Variants in CCDC91 observed in about 807,000 individuals in gnomAD.
CCDC91 encodes the protein coiled-coil domain-containing protein 91.
A neutral mutation model predicts 63.2 loss-of-function variants in CCDC91; 48 were observed. The observed-to-expected ratio is 0.76, with a 90% CI of 0.60 to 0.97. CCDC91 has a LOEUF of 0.97. Ranked by LOEUF, CCDC91 falls within the 50% of genes least tolerant of loss-of-function variation. The pLI, the probability that CCDC91 is intolerant of heterozygous loss-of-function variation, is 0.00. For synonymous variants in CCDC91, 167 were observed against 165.8 expected (o/e 1.01, Z -0.06); for missense variants, 500 against 494.6 (o/e 1.01, Z -0.10).
chr12:28,191,393 G>C (rs547320307), intron 1 of CCDC91: 60 of 152,386 alleles, frequency 3.9e-4, no homozygotes, highest in African/African-American at 1.3e-3. Context: ...TTGGGGCAGA[G>C]CTCGATTTCC....
chr12:28,503,134 G>T (rs2141163770), intron 12 of CCDC91, among the ~76,000 whole-genome samples: 1 of 152,234 alleles, frequency 6.6e-6, no homozygotes, highest in Middle Eastern at 3.4e-3. Flanking sequence ...ACTACCATCA[G>T]AATGAACAGG....
chr12:28,370,591 C>T lies in CCDC91; in HGVS notation c.654+8076C>T, dbSNP rs143573151. 4.1e-4 allele frequency among the ~76,000 whole-genome samples: 63 copies of T among 152,294 alleles called. 1 individual carries two copies. The highest frequency in any genetic ancestry group is 1.4e-3 in the African/African-American group (58 of 41,560). On this transcript the variant is annotated intron_variant, in intron 7 of 12. Transcript: ENST00000536442. The stretch of plus-strand genomic sequence containing the variant: ...CAACCTTCATCTTTTACCCAGTTCC[C>T]AATTTGCTTCCACATTTTTAGGTGT...
intron 7 of CCDC91, among the ~76,000 whole-genome samples, chr12:28,374,772 G>A (rs554783302): frequency 2.6e-5 from 4 of 152,068 alleles, no homozygotes; most frequent in Non-Finnish European, 4.4e-5. Flanking sequence ...CATCCAACTG[G>A]AATTTACTTA....
intron 3 of CCDC91, among the ~76,000 whole-genome samples, chr12:28,301,428 A>G (rs776853156): frequency 1.3e-5 from 2 of 151,560 alleles, no homozygotes; most frequent in Non-Finnish European, 3.0e-5. Flanking sequence ...TTGGTTCATT[A>G]CATATCATTT....
intron 6 of CCDC91, among the ~76,000 whole-genome samples, chr12:28,323,029 T>C (rs1173405880): frequency 6.6e-6 from 1 of 151,496 alleles, no homozygotes; most frequent in Non-Finnish European, 1.5e-5. Context: ...TCTTAAGTGA[T>C]TTATAAGAAC....
intron 3 of CCDC91, among the ~76,000 whole-genome samples, chr12:28,276,886 A>G (rs1042825921): frequency 2.6e-5 from 4 of 151,992 alleles, no homozygotes; most frequent in African/African-American, 9.7e-5. Context: ...AAAGGTTTAT[A>G]TACAGTTATG....
intron 7 of CCDC91, among the ~76,000 whole-genome samples, chr12:28,366,576 G>C (rs1944287865): frequency 6.6e-6 from 1 of 152,210 alleles, no homozygotes; most frequent in Non-Finnish European, 1.5e-5. Context: ...AGGTGAGGCA[G>C]GGAACTAGGA....
chr12:28,306,683 C>T lies in CCDC91; in HGVS notation c.268-59C>T. The T allele has an allele frequency of 5.0e-6, 6 of 1,200,562 alleles. No homozygotes were observed. The South Asian group carries it at 7.5e-5, about 15-fold the overall frequency. 74.4% of individuals were successfully genotyped at this position (1,200,562 alleles called of 1,614,324 possible). A position where few individuals can be genotyped will look rare whatever the true frequency, so the allele number is the denominator to read the frequency against. On this transcript the variant is annotated intron_variant, in intron 4 of 12. Coordinates refer to ENST00000536442, the MANE Select transcript of CCDC91 (RefSeq NM_018318.5). Reference sequence around the variant, plus strand: ...GTTTCTAGTGCCCTTTGGATGTTTTCATTATTGGTATAGTGTAAACTTTCC... The same window carrying T: ...GTTTCTAGTGCCCTTTGGATGTTTTTATTATTGGTATAGTGTAAACTTTCC...
rs116061577 is a variant in CCDC91 at position 28,270,609 on chromosome 12, C to T, written c.109+11167C>T. Among the ~76,000 whole-genome samples, 881 of 152,156 alleles carry T rather than the reference C, an allele frequency of 5.8e-3. 9 individuals carry two copies. The highest frequency in any genetic ancestry group is 0.02 in the African/African-American group (844 of 41,516). ...GGAAACATTTGCTGATAGAATTGTA[C>T]ATTAAATGTGCGAATAAACATTTAC... On this transcript the variant is annotated intron_variant, in intron 3 of 12. Coordinates refer to ENST00000536442, the MANE Select transcript of CCDC91 (RefSeq NM_018318.5).
At chr12:28,443,375 A>C (rs1400334599) in intron 8 of CCDC91, among the ~76,000 whole-genome samples, 1 of 152,106 alleles carries the variant, frequency 6.6e-6, no homozygotes, top group Non-Finnish European at 1.5e-5. Context: ...TCTGAACAGC[A>C]TACTAAAAAT....
chr12:28,221,113 G>C (rs989262213), intron 1 of CCDC91, among the ~76,000 whole-genome samples: 1 of 151,740 alleles, frequency 6.6e-6, no homozygotes, highest in African/African-American at 2.4e-5. Flanking sequence ...TTTCCTCTCT[G>C]TACTTTATTT....
At chr12:28,267,934 AATTATATATAATT>A (rs1258934211) in intron 3 of CCDC91, among the ~76,000 whole-genome samples, 2 of 102,586 alleles carry the variant, frequency 1.9e-5, no homozygotes, top group African/African-American at 8.3e-5. Context: ...AATTATATAT[AATTATATATAATT>A]ATTATATATA....
intron 8 of CCDC91, among the ~76,000 whole-genome samples, chr12:28,431,114 CAT>C (rs530011328): frequency 1.7e-3 from 255 of 152,226 alleles, no homozygotes; most frequent in African/African-American, 5.8e-3. Flanking sequence ...CACACACACA[CAT>C]ATGATATTAA....
chr12:28,420,772 G>A lies in CCDC91; in HGVS notation c.762+29361G>A, dbSNP rs76724463. 5.7e-3 allele frequency among the ~76,000 whole-genome samples: 854 copies of A among 148,844 alleles called. 28 individuals carry two copies. Among genetic ancestry groups the A allele is most frequent in the Admixed American group, 0.045 (670 of 14,980 alleles). ...GCATTTTATGGTTTTTTTTTTTTCA[G>A]TAGCTTGAAAACTCACTGAGGGCAG... On this transcript the variant is annotated intron_variant, in intron 8 of 12. Coordinates refer to ENST00000536442, the MANE Select transcript of CCDC91 (RefSeq NM_018318.5).
intron 8 of CCDC91, among the ~76,000 whole-genome samples, chr12:28,407,957 TATA>T (rs1399200631): frequency 6.1e-5 from 7 of 113,874 alleles, no homozygotes; most frequent in South Asian, 3.1e-4. Flanking sequence ...TATACATATA[TATA>T]TATATTTTTT....
At chr12:28,261,823 T>A (rs1332735157) in intron 3 of CCDC91, among the ~76,000 whole-genome samples, 1 of 151,774 alleles carries the variant, frequency 6.6e-6, no homozygotes, top group East Asian at 1.9e-4. Flanking sequence ...ACAAATCATC[T>A]GGCACACACA....
chr12:28,487,568 A>G (rs1951791127), intron 12 of CCDC91, among the ~76,000 whole-genome samples: 2 of 151,642 alleles, frequency 1.3e-5, no homozygotes, highest in Non-Finnish European at 3.0e-5. Flanking sequence ...ACTCACATCT[A>G]CTTCTTCCTT....
intron 6 of CCDC91, among the ~76,000 whole-genome samples, chr12:28,330,537 C>G (rs1424978816): frequency 1.3e-5 from 2 of 151,532 alleles, no homozygotes; most frequent in Non-Finnish European, 2.9e-5. Flanking sequence ...GGGTAGATTG[C>G]AAAAATTTTC....
At chr12:28,347,718 TGTA>T (rs1445367333) in intron 6 of CCDC91, among the ~76,000 whole-genome samples, 2 of 152,214 alleles carry the variant, frequency 1.3e-5, no homozygotes, top group Non-Finnish European at 2.9e-5. Flanking sequence ...TTCCAGCATT[TGTA>T]GTTGCAGCTC....
Sources: allele counts gnomAD v4.1 joint callset (sites outside exome capture counted in the v4.1 genomes callset), GRCh38; gene constraint gnomAD v4.1.1; transcripts MANE v1.5; gene names NCBI Gene and HGNC (gene_info 2026-07-23, HGNC 2026-07-21).